Variants in PDHX observed in about 807,000 individuals in gnomAD.
The protein encoded by PDHX is pyruvate dehydrogenase complex component X.
Under a neutral mutation model 55.3 loss-of-function variants are expected in PDHX, and 33 were observed. That is an observed-to-expected ratio of 0.60 (90% CI 0.45 to 0.80). PDHX has a LOEUF of 0.80. PDHX is among the 30% of genes least tolerant of loss of function. The pLI is 0.00. For missense variants in PDHX, 622 were observed against 619.9 expected (o/e 1.00, Z -0.04); for synonymous variants, 226 against 219.4 (o/e 1.03, Z -0.27).
chr11:34,980,366 TGAGCAGCAG>T (rs1855483938), intron 8 of PDHX, among the ~76,000 whole-genome samples: 1 of 143,036 alleles, frequency 7.0e-6, no homozygotes, highest in African/African-American at 2.5e-5. Context: ...TTTTTTTTTT[TGAGCAGCAG>T]CAAGATTTAT....
intron 6 of PDHX, among the ~76,000 whole-genome samples, chr11:34,967,202 A>G (rs931751732): frequency 2.6e-5 from 4 of 152,152 alleles, no homozygotes; most frequent in African/African-American, 9.7e-5. Context: ...AAGAACAATT[A>G]CTATGTGTTT....
chr11:34,940,209 C>CA (rs1565153303), intron 2 of PDHX, among the ~76,000 whole-genome samples: 20 of 152,150 alleles, frequency 1.3e-4, no homozygotes, highest in Admixed American at 6.5e-4. Context: ...TTAGCCACAC[C>CA]CACAGTGCCT....
intron 7 of PDHX, among the ~76,000 whole-genome samples, chr11:34,977,396 C>A (rs185338526): frequency 1.3e-5 from 2 of 152,154 alleles, no homozygotes; most frequent in Non-Finnish European, 2.9e-5. Flanking sequence ...TGGGAGGACC[C>A]CAGCTTTATC....
At chr11:34,916,441 G>T, upstream of PDHX, 1 of 1,472,756 alleles carries the variant, frequency 6.8e-7, no homozygotes, top group Non-Finnish European at 9.0e-7. Flanking sequence ...GTCTGGTAAG[G>T]CCCCGCCGGC....
At chr11:34,917,703 A>G (rs1043970233) in intron 1 of PDHX, among the ~76,000 whole-genome samples, 1 of 152,134 alleles carries the variant, frequency 6.6e-6, no homozygotes, top group African/African-American at 2.4e-5. Flanking sequence ...AAAAAATCAC[A>G]CAAAGTCATA....
intron 9 of PDHX, among the ~76,000 whole-genome samples, chr11:34,985,235 G>T (rs1256729236): frequency 1.3e-5 from 2 of 152,184 alleles, no homozygotes; most frequent in African/African-American, 4.8e-5. Context: ...GAGGTCAGGA[G>T]ATTGAGACCA....
chr11:34,952,847 T>C (rs957611416), intron 3 of PDHX, among the ~76,000 whole-genome samples: 268 of 149,648 alleles, frequency 1.8e-3, no homozygotes, highest in African/African-American at 6.0e-3. Flanking sequence ...CCAGGGCAAT[T>C]AGGCAGGAGA....
intron 3 of PDHX, 37 bp downstream of exon 3, chr11:34,947,643 G>A: frequency 2.2e-6 from 3 of 1,343,708 alleles, no homozygotes; most frequent in Non-Finnish European, 1.1e-6. Flanking sequence ...ACAGGATGAA[G>A]ATTTCTTGAG....
intron 5 of PDHX, among the ~76,000 whole-genome samples, chr11:34,964,631 A>G (rs1464800566): frequency 1.3e-5 from 2 of 152,076 alleles, no homozygotes; most frequent in Non-Finnish European, 2.9e-5. Context: ...AATCAGCAAT[A>G]CAAGTTTTTG....
At chr11:34,934,658 G>C (rs896396421) in intron 2 of PDHX, among the ~76,000 whole-genome samples, 2 of 134,790 alleles carry the variant, frequency 1.5e-5, no homozygotes, top group East Asian at 4.4e-4. Flanking sequence ...GCTCACTACA[G>C]CCTCAGCCTC....
At chr11:34,980,520 G>A (rs1417498256) in intron 8 of PDHX, among the ~76,000 whole-genome samples, 2 of 151,548 alleles carry the variant, frequency 1.3e-5, no homozygotes, top group Non-Finnish European at 2.9e-5. Flanking sequence ...AAATTTATTT[G>A]CCATATATTC....
At chr11:34,965,454 T>G (rs1158228805) in intron 5 of PDHX, among the ~76,000 whole-genome samples, 3 of 152,244 alleles carry the variant, frequency 2.0e-5, no homozygotes, top group East Asian at 1.9e-4. Context: ...AGAGATTACC[T>G]GATATATCTG....
intron 8 of PDHX, among the ~76,000 whole-genome samples, chr11:34,980,177 A>G (rs866976624): frequency 1.3e-5 from 2 of 151,284 alleles, no homozygotes; most frequent in African/African-American, 4.8e-5. Flanking sequence ...TTATTTTAAC[A>G]TCCTCAGTGC....
chr11:34,928,786 G>A (rs1455042902), intron 1 of PDHX, among the ~76,000 whole-genome samples: 1 of 152,194 alleles, frequency 6.6e-6, no homozygotes, highest in African/African-American at 2.4e-5. Flanking sequence ...AAGAGAGTAT[G>A]TGTGTATGTG....
In PDHX at chr11:34,923,750, G is replaced by A. The variant is rs1014200257; in HGVS notation, c.160+6935G>A. On this transcript the variant is annotated intron_variant, in intron 1 of 10. Coordinates refer to ENST00000227868, the MANE Select transcript of PDHX (RefSeq NM_003477.3). ...TCATCTAAATTTTAATCCTTTTGAG[G>A]TCGAGAATCTGGTTTGGTCTAGGGC... Among the ~76,000 whole-genome samples the A allele has an allele frequency of 5.9e-5, 9 of 152,194 alleles. No homozygotes were observed. The South Asian group carries it at 1.0e-3, about 18-fold the overall frequency.
chr11:34,962,042 T>C (rs938232909), intron 5 of PDHX, among the ~76,000 whole-genome samples: 2 of 152,216 alleles, frequency 1.3e-5, no homozygotes, highest in Admixed American at 1.3e-4. Flanking sequence ...AAAGCAACTA[T>C]TTTTATAACA....
chr11:34,925,733 G>A lies in PDHX; in HGVS notation c.161-5671G>A, dbSNP rs553270090. Reference sequence around the variant, plus strand: ...GCTGGGCAGGTAGTAATTGGATGATGCCATATACAGGTTTGAGCATCTCTA... The same window carrying A: ...GCTGGGCAGGTAGTAATTGGATGATACCATATACAGGTTTGAGCATCTCTA... On this transcript the variant is annotated intron_variant, in intron 1 of 10. Transcript: ENST00000227868. Among the ~76,000 whole-genome samples the A allele has an allele frequency of 4.6e-5, 7 of 152,220 alleles. No homozygotes were observed. In the South Asian group the frequency reaches 1.5e-3, roughly 32 times the overall value.
At chr11:34,943,747 A>G (rs1300254233) in intron 2 of PDHX, among the ~76,000 whole-genome samples, 7 of 152,136 alleles carry the variant, frequency 4.6e-5, no homozygotes, top group Non-Finnish European at 7.3e-5. Context: ...CTCCAGGGCT[A>G]TAAGTGTATT....
intron 9 of PDHX, chr11:34,984,929 A>G (rs1351266947): frequency 5.7e-6 from 3 of 525,130 alleles, no homozygotes; most frequent in Non-Finnish European, 1.0e-5. Flanking sequence ...AGAAAATTTA[A>G]TATTCAAAAA....
Sources: allele counts gnomAD v4.1 joint callset (sites outside exome capture counted in the v4.1 genomes callset), GRCh38; gene constraint gnomAD v4.1.1; transcripts MANE v1.5; gene names NCBI Gene and HGNC (gene_info 2026-07-23, HGNC 2026-07-21).